The following NKAIN2 variants were observed in gnomAD, a reference collection of about 807,000 sequenced individuals.
NKAIN2 encodes the protein sodium/potassium transporting ATPase interacting 2.
Under a neutral mutation model 32.6 loss-of-function variants are expected in NKAIN2, and 14 were observed. The observed-to-expected ratio is 0.43, with a 90% CI of 0.28 to 0.67. The LOEUF is 0.67. Ranked by LOEUF, NKAIN2 falls within the 30% of genes least tolerant of loss-of-function variation. The probability of loss-of-function intolerance (pLI) is 0.17; values close to 1 mark genes in which losing one functional copy is unlikely to be tolerated. For synonymous variants in NKAIN2, 80 were observed against 87.2 expected (o/e 0.92, Z 0.46); for missense variants, 198 against 258.3 (o/e 0.77, Z 1.60).
intron 1 of NKAIN2, among the ~76,000 whole-genome samples, chr6:124,031,082 A>T (rs76090628): frequency 0.029 from 4,342 of 152,190 alleles, 103 homozygotes; most frequent in African/African-American, 0.073. Flanking sequence ...CTGGGTTTTT[A>T]AAAAAATAAC....
chr6:124,369,054 T>C (rs1799638432), intron 3 of NKAIN2, among the ~76,000 whole-genome samples: 1 of 152,114 alleles, frequency 6.6e-6, no homozygotes, highest in Non-Finnish European at 1.5e-5. Flanking sequence ...GAAGAGAAAG[T>C]TTGCAAAACA....
chr6:124,644,661 C>T (rs761047100), intron 3 of NKAIN2, among the ~76,000 whole-genome samples: 2 of 152,104 alleles, frequency 1.3e-5, no homozygotes, highest in Non-Finnish European at 2.9e-5. Context: ...GCCTCGGCCC[C>T]CCCAAAGTGC....
intron 3 of NKAIN2, among the ~76,000 whole-genome samples, chr6:124,356,030 AG>A (rs1798954635): frequency 6.6e-6 from 1 of 152,206 alleles, no homozygotes; most frequent in Non-Finnish European, 1.5e-5. Context: ...TCAAGGTAGT[AG>A]CAAATTCTGA....
intron 3 of NKAIN2, among the ~76,000 whole-genome samples, chr6:124,407,486 G>A (rs1431935703): frequency 6.6e-6 from 1 of 151,876 alleles, no homozygotes; most frequent in Non-Finnish European, 1.5e-5. Context: ...GAGAATGATG[G>A]TTTCCAGCTT....
At chr6:124,275,655 C>T (rs1055628049) in intron 1 of NKAIN2, among the ~76,000 whole-genome samples, 131 of 152,080 alleles carry the variant, frequency 8.6e-4, no homozygotes, top group African/African-American at 3.0e-3. Flanking sequence ...AGAAAGACCC[C>T]CTCCAAATAC....
intron 3 of NKAIN2, among the ~76,000 whole-genome samples, chr6:124,547,419 T>A (rs535557105): frequency 6.6e-6 from 1 of 152,366 alleles, no homozygotes; most frequent in Admixed American, 6.5e-5. Context: ...CTCTAAATTA[T>A]GTTTTACTGT....
chr6:124,706,669 G>T (rs1335499773), intron 4 of NKAIN2, among the ~76,000 whole-genome samples: 1 of 152,072 alleles, frequency 6.6e-6, no homozygotes, highest in Non-Finnish European at 1.5e-5. Context: ...ATAAATAAGT[G>T]GTCAAAGAGC....
intron 3 of NKAIN2, among the ~76,000 whole-genome samples, chr6:124,423,004 A>G (rs1372706113): frequency 3.3e-5 from 5 of 152,248 alleles, no homozygotes; most frequent in African/African-American, 9.6e-5. Flanking sequence ...AGGAAAACAC[A>G]TACATTTTTG....
intron 5 of NKAIN2, among the ~76,000 whole-genome samples, chr6:124,817,630 G>A (rs999173168): frequency 6.6e-6 from 1 of 152,108 alleles, no homozygotes; most frequent in Non-Finnish European, 1.5e-5. Flanking sequence ...GTCTGCCCAT[G>A]TTCAAGAGGA....
chr6:123,990,149 A>C (rs569583098), intron 1 of NKAIN2, among the ~76,000 whole-genome samples: 6 of 152,276 alleles, frequency 3.9e-5, no homozygotes, highest in African/African-American at 1.4e-4. Context: ...CTCACTCACT[A>C]TCATGAGAAC....
intron 5 of NKAIN2, among the ~76,000 whole-genome samples, chr6:124,800,258 T>G (rs1780189777): frequency 6.6e-6 from 1 of 152,144 alleles, no homozygotes; most frequent in South Asian, 2.1e-4. Context: ...AGAGGTCTCC[T>G]TCTTAACAGC....
intron 1 of NKAIN2, among the ~76,000 whole-genome samples, chr6:124,264,657 AG>A (rs1794405760): frequency 1.3e-5 from 2 of 152,210 alleles, no homozygotes; most frequent in Admixed American, 1.3e-4. Flanking sequence ...CTGTAGAAAA[AG>A]ATTGGACCCC....
chr6:124,709,396 A>G (rs2114597317), intron 4 of NKAIN2, among the ~76,000 whole-genome samples: 1 of 151,268 alleles, frequency 6.6e-6, no homozygotes, highest in East Asian at 1.9e-4. Context: ...ATTGATTGGA[A>G]TAGTTTCAGA....
chr6:124,328,011 A>G (rs1797492275), intron 2 of NKAIN2, among the ~76,000 whole-genome samples: 1 of 152,232 alleles, frequency 6.6e-6, no homozygotes, highest in Non-Finnish European at 1.5e-5. Context: ...TTGGATTATC[A>G]TCGCTTCCTT....
At chr6:124,478,465 GAAAT>G (rs1356675074) in intron 3 of NKAIN2, among the ~76,000 whole-genome samples, 1 of 152,120 alleles carries the variant, frequency 6.6e-6, no homozygotes, top group Non-Finnish European at 1.5e-5. Flanking sequence ...TAGTGTCAGA[GAAAT>G]AAGAAAGTAC....
chr6:124,780,278 A>G (rs1276987952), intron 4 of NKAIN2, among the ~76,000 whole-genome samples: 1 of 152,194 alleles, frequency 6.6e-6, no homozygotes, highest in African/African-American at 2.4e-5. Context: ...ATAGTCCAGT[A>G]GTCCAGTTTA....
chr6:124,301,459 C>A (rs2114976786), intron 2 of NKAIN2, among the ~76,000 whole-genome samples: 1 of 152,290 alleles, frequency 6.6e-6, no homozygotes, highest in African/African-American at 2.4e-5. Flanking sequence ...CCTAGTGGAG[C>A]TGTGAGAAGA....
intron 3 of NKAIN2, among the ~76,000 whole-genome samples, chr6:124,445,713 C>A (rs1382409395): frequency 6.6e-6 from 1 of 151,384 alleles, no homozygotes; most frequent in African/African-American, 2.4e-5. Flanking sequence ...TGTATTACTG[C>A]CAAGTGTTGG....
chr6:124,295,776 A>G (rs772239304), intron 2 of NKAIN2, among the ~76,000 whole-genome samples: 34 of 152,160 alleles, frequency 2.2e-4, no homozygotes, highest in Non-Finnish European at 3.5e-4. Flanking sequence ...TTTCTGAACT[A>G]AAACATCTAT....
Sources: allele counts gnomAD v4.1 joint callset (sites outside exome capture counted in the v4.1 genomes callset), GRCh38; gene constraint gnomAD v4.1.1; transcripts MANE v1.5; gene names NCBI Gene and HGNC (gene_info 2026-07-23, HGNC 2026-07-21).